Variants in UNC5D observed in about 807,000 individuals in gnomAD.
UNC5D encodes the protein unc-5 netrin receptor D, also known as netrin receptor UNC5D.
Under a neutral mutation model 105.4 loss-of-function variants are expected in UNC5D, and 39 were observed. The observed-to-expected ratio is 0.37, with a 90% CI of 0.29 to 0.48. UNC5D has a LOEUF of 0.48. Among genes scored for constraint, UNC5D ranks in the 20% least tolerant of loss-of-function variants. The pLI is 0.98. For synonymous variants in UNC5D, 452 were observed against 450.4 expected (o/e 1.00, Z -0.04); for missense variants, 991 against 1,202.4 (o/e 0.82, Z 2.60).
At chr8:35,599,640 C>T (rs991905738) in intron 4 of UNC5D, among the ~76,000 whole-genome samples, 19 of 152,110 alleles carry the variant, frequency 1.2e-4, no homozygotes, top group African/African-American at 4.6e-4. Context: ...ATGTAAAATG[C>T]ATTAGACAAC....
chr8:35,539,540 G>C (rs2130619461), intron 1 of UNC5D, among the ~76,000 whole-genome samples: 1 of 152,264 alleles, frequency 6.6e-6, no homozygotes, highest in African/African-American at 2.4e-5. Flanking sequence ...GGATGTCAGT[G>C]CAAAGAGGTT....
chr8:35,583,786 G>A (rs543811333), intron 3 of UNC5D, among the ~76,000 whole-genome samples: 10 of 152,230 alleles, frequency 6.6e-5, no homozygotes, highest in African/African-American at 2.2e-4. Flanking sequence ...TCCTATTTAC[G>A]TTAAACTTCA....
At chr8:35,515,437 C>T (rs184316282) in intron 1 of UNC5D, among the ~76,000 whole-genome samples, 21 of 152,300 alleles carry the variant, frequency 1.4e-4, no homozygotes, top group African/African-American at 4.8e-4. Flanking sequence ...GTAATCCCAG[C>T]ACTTTGGGAG....
intron 14 of UNC5D, among the ~76,000 whole-genome samples, chr8:35,763,622 C>G (rs971855335): frequency 1.3e-5 from 2 of 152,142 alleles, no homozygotes; most frequent in African/African-American, 4.8e-5. Flanking sequence ...ACAAAAGCCT[C>G]CTACTTAGCT....
At chr8:35,550,246 A>T (rs1328672261) in intron 2 of UNC5D, among the ~76,000 whole-genome samples, 1 of 152,200 alleles carries the variant, frequency 6.6e-6, no homozygotes, top group Non-Finnish European at 1.5e-5. Flanking sequence ...TCTCGTAGAC[A>T]AGGAAACTAA....
chr8:35,377,160 C>T (rs79540910), intron 1 of UNC5D, among the ~76,000 whole-genome samples: 2,427 of 152,236 alleles, frequency 0.016, 70 homozygotes, highest in African/African-American at 0.057. Flanking sequence ...ATACTCTTTG[C>T]GTGCTATATG....
intron 4 of UNC5D, among the ~76,000 whole-genome samples, chr8:35,672,641 G>A (rs761032087): frequency 6.6e-6 from 1 of 152,098 alleles, no homozygotes; most frequent in Non-Finnish European, 1.5e-5. Flanking sequence ...CTTACAAGCT[G>A]TCTTTTGATT....
chr8:35,420,580 A>G (rs2128965729), intron 1 of UNC5D, among the ~76,000 whole-genome samples: 1 of 152,344 alleles, frequency 6.6e-6, no homozygotes, highest in East Asian at 1.9e-4. Flanking sequence ...ACAACTCAGG[A>G]GCAGACTAGC....
intron 4 of UNC5D, among the ~76,000 whole-genome samples, chr8:35,615,322 C>T (rs1323940294): frequency 1.3e-5 from 2 of 152,076 alleles, no homozygotes; most frequent in Admixed American, 6.5e-5. Context: ...CTAAGAATGA[C>T]TCTCTGACAA....
At chr8:35,423,141 CAT>C (rs1259136501) in intron 1 of UNC5D, among the ~76,000 whole-genome samples, 1 of 152,184 alleles carries the variant, frequency 6.6e-6, no homozygotes, top group East Asian at 1.9e-4. Flanking sequence ...AATTTTATGA[CAT>C]GTGCATGGAG....
At chr8:35,666,634 T>C (rs1167369887) in intron 4 of UNC5D, among the ~76,000 whole-genome samples, 1 of 152,086 alleles carries the variant, frequency 6.6e-6, no homozygotes, top group East Asian at 1.9e-4. Context: ...CCAGGCTGAT[T>C]AAGATGAGAA....
intron 4 of UNC5D, among the ~76,000 whole-genome samples, chr8:35,622,102 G>C (rs1320445807): frequency 2.6e-5 from 4 of 152,144 alleles, no homozygotes; most frequent in Non-Finnish European, 5.9e-5. Flanking sequence ...CCAGCACTTT[G>C]GGAGGCCAAG....
At chr8:35,297,761 G>A (rs1807603779) in intron 1 of UNC5D, among the ~76,000 whole-genome samples, 1 of 148,876 alleles carries the variant, frequency 6.7e-6, no homozygotes, top group African/African-American at 2.4e-5. Flanking sequence ...CTAACACTCA[G>A]ATGTAAGATG....
intron 1 of UNC5D, among the ~76,000 whole-genome samples, chr8:35,434,705 G>A (rs1269359669): frequency 3.9e-5 from 6 of 151,970 alleles, no homozygotes; most frequent in Admixed American, 1.3e-4. Context: ...CCATTCATTA[G>A]GAGGCATATA....
Position 35,710,267 on chromosome 8 carries a change from T to A in UNC5D, c.1117+4306T>A, listed in dbSNP as rs1195758376. Among the ~76,000 whole-genome samples the A allele has an allele frequency of 2.6e-5, 4 of 152,188 alleles. No homozygotes were observed. In the East Asian group the frequency reaches 7.7e-4, roughly 29 times the overall value. ...GTCATATTCTGGATGTCTTTTGATG[T>A]CAGAGTCAAAAGGATTTTCTGATGT... On this transcript the variant is annotated intron_variant, in intron 8 of 16. Transcript: ENST00000404895.
chr8:35,557,662 C>G (rs1487896653), intron 2 of UNC5D, among the ~76,000 whole-genome samples: 1 of 152,006 alleles, frequency 6.6e-6, no homozygotes, highest in African/African-American at 2.4e-5. Flanking sequence ...ATACATGTGT[C>G]CTTAAAAGAG....
At chr8:35,318,781 G>A (rs1372023015) in intron 1 of UNC5D, among the ~76,000 whole-genome samples, 2 of 151,972 alleles carry the variant, frequency 1.3e-5, no homozygotes, top group Non-Finnish European at 1.5e-5. Context: ...CTGAGCATAT[G>A]GCATATGCTC....
At chr8:35,765,570 C>T (rs1801728936) in intron 14 of UNC5D, among the ~76,000 whole-genome samples, 1 of 152,190 alleles carries the variant, frequency 6.6e-6, no homozygotes, top group African/African-American at 2.4e-5. Flanking sequence ...TAAAGTCCAT[C>T]CATCCCTCCT....
chr8:35,249,719 G>C (rs1803563319), intron 1 of UNC5D, among the ~76,000 whole-genome samples: 1 of 152,126 alleles, frequency 6.6e-6, no homozygotes, highest in Non-Finnish European at 1.5e-5. Context: ...CCTGTATAGA[G>C]CTTATGAAAC....
Sources: allele counts gnomAD v4.1 joint callset (sites outside exome capture counted in the v4.1 genomes callset), GRCh38; gene constraint gnomAD v4.1.1; transcripts MANE v1.5; gene names NCBI Gene and HGNC (gene_info 2026-07-23, HGNC 2026-07-21).